The following SEMA5B variants were observed in gnomAD, a reference collection of about 807,000 sequenced individuals.
SEMA5B encodes semaphorin-5B.
A neutral mutation model predicts 135.0 loss-of-function variants in SEMA5B; 66 were observed. The observed-to-expected ratio is 0.49, with a 90% confidence interval of 0.40 to 0.60. The LOEUF (loss-of-function observed/expected upper bound fraction) is 0.60, where lower values mean the gene tolerates loss of function less well. Among genes scored for constraint, SEMA5B ranks in the 20% least tolerant of loss-of-function variants. The probability of loss-of-function intolerance (pLI) is 0.00; values close to 1 mark genes in which losing one functional copy is unlikely to be tolerated. For synonymous variants in SEMA5B, 690 were observed against 639.5 expected (o/e 1.08, Z -1.19); for missense variants, 1,501 against 1,566.3 (o/e 0.96, Z 0.70).
At chr3:122,972,765 C>T (rs1292887819) in intron 1 of SEMA5B, among the ~76,000 whole-genome samples, 3 of 152,298 alleles carry the variant, frequency 2.0e-5, no homozygotes, top group African/African-American at 2.4e-5. Flanking sequence ...AACCACGATG[C>T]CATCAGATTC....
intron 2 of SEMA5B, among the ~76,000 whole-genome samples, chr3:122,956,713 G>C (rs550225940): frequency 6.6e-6 from 1 of 152,222 alleles, no homozygotes; most frequent in East Asian, 1.9e-4. Flanking sequence ...CCCCGGGGTG[G>C]GTAGCAGCTG....
intron 2 of SEMA5B, among the ~76,000 whole-genome samples, chr3:122,955,992 G>A (rs1228449714): frequency 6.6e-6 from 1 of 152,202 alleles, no homozygotes; most frequent in Non-Finnish European, 1.5e-5. Flanking sequence ...CAGTCTAAAA[G>A]AGGAGAGGAG....
chr3:122,930,998 T>C (rs369445634), intron 5 of SEMA5B, among the ~76,000 whole-genome samples: 79 of 152,072 alleles, frequency 5.2e-4, no homozygotes, highest in African/African-American at 1.7e-3. Flanking sequence ...TATAGGTTTA[T>C]AGAGAGAACA....
chr3:122,957,332 A>G (rs1313142902), intron 2 of SEMA5B, among the ~76,000 whole-genome samples: 10 of 152,176 alleles, frequency 6.6e-5, no homozygotes, highest in Admixed American at 4.6e-4. Flanking sequence ...TCTCAGCCCA[A>G]TTTGCAGCCT....
chr3:122,942,167 C>G (rs1939590739), intron 4 of SEMA5B, among the ~76,000 whole-genome samples: 1 of 152,110 alleles, frequency 6.6e-6, no homozygotes, highest in East Asian at 1.9e-4. Flanking sequence ...TGCTTTCAGG[C>G]CCAGCTTCAC....
intron 1 of SEMA5B, among the ~76,000 whole-genome samples, chr3:122,990,848 T>C (rs1348940489): frequency 6.6e-6 from 1 of 152,192 alleles, no homozygotes; most frequent in Non-Finnish European, 1.5e-5. Flanking sequence ...GATTGATTTA[T>C]TTCATTATTG....
chr3:122,927,152 G>A (rs912101134), intron 8 of SEMA5B, among the ~76,000 whole-genome samples: 1 of 152,158 alleles, frequency 6.6e-6, no homozygotes, highest in African/African-American at 2.4e-5. Flanking sequence ...CAACCCCAAG[G>A]GCTAGGAAAC....
chr3:122,910,824 A>C lies in SEMA5B; in HGVS notation c.3297+16T>G. On this transcript the variant is annotated intron_variant, in intron 22 of 22. Coordinates refer to ENST00000357599, the MANE Select transcript of SEMA5B (RefSeq NM_001031702.4). ...GACTCCGTCTCAAAAAAAAAAAAAA[A>C]AAAGAAGGCTCCCACCTTGAATTCC... 2 of 1,559,166 alleles carry C rather than the reference A, an allele frequency of 1.3e-6. No individual in the cohort carries two copies. The highest frequency in any genetic ancestry group is 1.7e-6 in the Non-Finnish European group (2 of 1,157,148).
chr3:122,948,023 G>T (rs1939868033), intron 3 of SEMA5B, among the ~76,000 whole-genome samples: 1 of 152,110 alleles, frequency 6.6e-6, no homozygotes, highest in Non-Finnish European at 1.5e-5. Flanking sequence ...ACTTTCATAG[G>T]ACTTTCTCAT....
At chr3:123,015,049 A>G (rs947057255) in intron 1 of SEMA5B, among the ~76,000 whole-genome samples, 2 of 152,210 alleles carry the variant, frequency 1.3e-5, no homozygotes, top group African/African-American at 2.4e-5. Context: ...TGATGCTTCT[A>G]TAAAACAAGA....
intron 1 of SEMA5B, among the ~76,000 whole-genome samples, chr3:122,983,730 A>G (rs1941607590): frequency 1.7e-5 from 2 of 116,282 alleles, no homozygotes; most frequent in African/African-American, 6.4e-5. Flanking sequence ...AAAAAAAAAA[A>G]AAAAAAAAAA....
At position 122,912,007 on chromosome 3, in the gene SEMA5B, G is replaced by A. The variant is rs1477643381; in HGVS notation, c.2959C>T (p.Arg987Trp). 6.2e-7 allele frequency: 1 copy of A among 1,613,582 alleles called. No individual in the cohort carries two copies. Among genetic ancestry groups the A allele is most frequent in the African/African-American group, 1.3e-5 (1 of 74,906 alleles). ...CTDDGAQSRS[R>W]HCEELLPGSS... is the part of the protein sequence containing the mutation. The stretch of plus-strand genomic sequence containing the variant: ...CCTGGGAGGAGCTCCTCACAGTGCC[G>A]GCTTCGGCTCTGGGCTCCGTCGTCA... The change falls in exon 20 of 23, where the codon CGG becomes TGG. Residue 987 changes from arginine to tryptophan, a missense_variant. Physicochemically the swap from Arg to Trp is moderately radical, Grantham distance 101 (BLOSUM62 -3). Around this residue, in one of 2 missense-constraint regions of SEMA5B, gnomAD observed 927 missense variants for 881.6 expected, o/e 1.05. Transcript: ENST00000357599.
intron 12 of SEMA5B, among the ~76,000 whole-genome samples, chr3:122,917,827 G>T (rs190140623): frequency 6.9e-6 from 1 of 145,476 alleles, no homozygotes; most frequent in East Asian, 1.9e-4. Context: ...ATTTTCCTCT[G>T]GGATCAATGG....
At chr3:122,938,724 G>A (rs1411682670) in intron 5 of SEMA5B, among the ~76,000 whole-genome samples, 1 of 152,186 alleles carries the variant, frequency 6.6e-6, no homozygotes, top group Admixed American at 6.5e-5. Flanking sequence ...CTAGACATGA[G>A]AATTGAGGCT....
chr3:122,984,858 A>T (rs1387353043), intron 1 of SEMA5B, among the ~76,000 whole-genome samples: 2 of 152,246 alleles, frequency 1.3e-5, no homozygotes, highest in East Asian at 3.8e-4. Context: ...CACAACTGAA[A>T]ATGTAAAGGC....
In SEMA5B at chr3:122,915,624, G is replaced by A. The variant is rs1938031548; in HGVS notation, c.1807-3C>T. ...CCATCCCGTGTCACATTCCGCACCTGAAGACACACATGGGAGACAGTACCC... is the reference window on the plus strand; with the variant it reads ...CCATCCCGTGTCACATTCCGCACCTAAAGACACACATGGGAGACAGTACCC... On this transcript the variant is annotated splice_region_variant and splice_polypyrimidine_tract_variant and intron_variant, in intron 13 of 22. Coordinates refer to ENST00000357599, the MANE Select transcript of SEMA5B (RefSeq NM_001031702.4). 6.2e-7 allele frequency: 1 copy of A among 1,610,160 alleles called. No individual in the cohort carries two copies. Among genetic ancestry groups the A allele is most frequent in the South Asian group, 1.1e-5 (1 of 90,704 alleles).
intron 2 of SEMA5B, among the ~76,000 whole-genome samples, chr3:122,953,230 C>A (rs899690890): frequency 6.6e-6 from 1 of 152,184 alleles, no homozygotes; most frequent in Non-Finnish European, 1.5e-5. Flanking sequence ...CCCACCCTCC[C>A]GCTAACCTGT....
At chr3:122,981,894 G>A (rs182016003) in intron 1 of SEMA5B, among the ~76,000 whole-genome samples, 5 of 152,278 alleles carry the variant, frequency 3.3e-5, no homozygotes, top group Admixed American at 2.6e-4. Flanking sequence ...TCTCTGAGTC[G>A]GAAGTCTGGG....
intron 5 of SEMA5B, among the ~76,000 whole-genome samples, chr3:122,932,696 G>C (rs9846530): frequency 0.22 from 33,482 of 152,008 alleles, 3,824 homozygotes; most frequent in Middle Eastern, 0.32. Flanking sequence ...CATTAGGCTA[G>C]TTTCCCACTT....
Sources: gnomAD v4.1 joint callset for allele counts (sites outside exome capture counted in the v4.1 genomes callset) on GRCh38, gnomAD v4.1.1 for gene constraint, gnomAD v4.1.1 regional missense constraint, MANE v1.5 for transcripts, NCBI Gene and HGNC (gene_info 2026-07-23, HGNC 2026-07-21) for gene names.